The following ISM1 variants were observed in gnomAD, a reference collection of about 807,000 sequenced individuals.
ISM1 encodes the protein isthmin 1.
Under a neutral mutation model 46.3 loss-of-function variants are expected in ISM1, and 25 were observed. That is an observed-to-expected ratio of 0.54 (90% CI 0.39 to 0.75). The LOEUF (loss-of-function observed/expected upper bound fraction) is 0.75. ISM1 is among the 30% of genes least tolerant of loss of function. The probability of loss-of-function intolerance (pLI) is 0.00; values close to 1 mark genes in which losing one functional copy is unlikely to be tolerated. For missense variants in ISM1, 536 were observed against 625.4 expected, an observed-to-expected ratio of 0.86 and a Z score of 1.52; for synonymous variants, 255 against 256.7, an observed-to-expected ratio of 0.99 and a Z score of 0.06.
the ISM1 span, among the ~76,000 whole-genome samples, chr20:13,306,834 T>C: frequency 2.4e-4 from 37 of 152,102 alleles, no homozygotes; most frequent in Admixed American, 1.2e-3. Context: ...GGATGGGGAC[T>C]CTGGTCAAGA....
intron 4 of ISM1, among the ~76,000 whole-genome samples, chr20:13,290,352 A>C (rs1426541241): frequency 3.9e-5 from 6 of 152,226 alleles, no homozygotes; most frequent in Admixed American, 2.0e-4. Flanking sequence ...AAGATGAGGC[A>C]AAAGAAAATG....
the ISM1 span, among the ~76,000 whole-genome samples, chr20:13,310,868 T>C: frequency 6.6e-6 from 1 of 152,142 alleles, no homozygotes; most frequent in Non-Finnish European, 1.5e-5. Flanking sequence ...AATAGGATAT[T>C]ACTTCATACC....
At position 13,279,779 on chromosome 20, in the gene ISM1, A is replaced by C; in HGVS notation, c.524A>C (p.Asp175Ala). 6.2e-7 allele frequency: 1 copy of C among 1,613,984 alleles called. No individual in the cohort carries two copies. The highest frequency in any genetic ancestry group is 8.5e-7 in the Non-Finnish European group (1 of 1,179,882). Reference sequence around the variant, plus strand: ...TCCTTGGCCAGGGCAAACAGCGGGGACCAGGACTACAAGTACGACAGTACC... The same window carrying C: ...TCCTTGGCCAGGGCAAACAGCGGGGCCCAGGACTACAAGTACGACAGTACC... ...SLSLARANSG[D>A]QDYKYDSTSD... Residue 175 changes from aspartate to alanine, a missense_variant, in exon 3 of 6, where the codon GAC becomes GCC. Physicochemically the swap from Asp to Ala is moderately radical, Grantham distance 126 (BLOSUM62 -2). This residue lies in a region of ISM1 where 367 missense variants were observed against 376.1 expected (regional missense o/e 0.98). Coordinates refer to ENST00000262487, the MANE Select transcript of ISM1 (RefSeq NM_080826.2).
intron 1 of ISM1, among the ~76,000 whole-genome samples, chr20:13,251,868 C>A (rs1223798819): frequency 7.2e-5 from 11 of 152,116 alleles, no homozygotes. Context: ...ACTGAATACC[C>A]AGGACTCTGG....
the ISM1 span, among the ~76,000 whole-genome samples, chr20:13,322,047 T>C: frequency 1.7e-4 from 26 of 152,206 alleles, no homozygotes; most frequent in Non-Finnish European, 2.9e-4. Flanking sequence ...TGTGTATCGC[T>C]TAAAATAGTG....
chr20:13,277,403 C>T (rs11698514), intron 2 of ISM1, among the ~76,000 whole-genome samples: 8,621 of 123,504 alleles, frequency 0.07, 327 homozygotes, highest in Admixed American at 0.11. Context: ...ACGATTGTTG[C>T]AGCTCAGTTC....
At chr20:13,252,011 G>A (rs1258100651) in intron 1 of ISM1, among the ~76,000 whole-genome samples, 2 of 152,148 alleles carry the variant, frequency 1.3e-5, no homozygotes, top group South Asian at 2.1e-4. Flanking sequence ...TTTGCTGGAG[G>A]AAAGCAAAGC....
Position 13,299,042 on chromosome 20 carries a change from C to T in ISM1, c.978C>T (p.Tyr326=). ...MNDLPSCPCS[Y]PTEVAYSTAD... ...ACCTGCCCAGCTGCCCCTGCTCCTACCCCACTGAGGTGGCCTACAGCACGG... is the reference window on the plus strand; with the variant it reads ...ACCTGCCCAGCTGCCCCTGCTCCTATCCCACTGAGGTGGCCTACAGCACGG... The change falls in exon 6 of 6, where the codon TAC becomes TAT. Residue 326 remains tyrosine, a synonymous_variant. Coordinates refer to ENST00000262487, the MANE Select transcript of ISM1 (RefSeq NM_080826.2). This position sits in a 1 kb window ranked among gnomAD's most constrained non-coding sequence, Gnocchi z 5.8. 1 of 1,613,800 alleles carries T rather than the reference C, an allele frequency of 6.2e-7. No homozygotes were observed. Among genetic ancestry groups the T allele is most frequent in the Non-Finnish European group, 8.5e-7 (1 of 1,179,838 alleles).
At chr20:13,266,611 T>A (rs541140677) in intron 1 of ISM1, among the ~76,000 whole-genome samples, 9 of 152,328 alleles carry the variant, frequency 5.9e-5, no homozygotes, top group Non-Finnish European at 1.3e-4. Context: ...AAAGACACAT[T>A]GTGGGTAAAG....
intron 1 of ISM1, among the ~76,000 whole-genome samples, chr20:13,249,155 A>G (rs545756345): frequency 2.0e-5 from 3 of 152,344 alleles, no homozygotes; most frequent in Admixed American, 2.0e-4. Flanking sequence ...ATAAGGACAC[A>G]AAGATCTGGG....
intron 1 of ISM1, among the ~76,000 whole-genome samples, chr20:13,269,256 G>C (rs922206237): frequency 1.3e-5 from 2 of 152,146 alleles, no homozygotes; most frequent in Non-Finnish European, 2.9e-5. Context: ...ATCCCTGAAG[G>C]CTGGAGTAAA....
chr20:13,307,847 G>A, the ISM1 span, among the ~76,000 whole-genome samples: 9 of 152,182 alleles, frequency 5.9e-5, no homozygotes, highest in Non-Finnish European at 1.3e-4. Context: ...GGAACATTTG[G>A]ATTGTTTCTA....
intron 1 of ISM1, among the ~76,000 whole-genome samples, chr20:13,222,289 C>T (rs1006587877): frequency 5.3e-5 from 8 of 152,074 alleles, no homozygotes; most frequent in Admixed American, 3.3e-4. Flanking sequence ...TAATGTTACT[C>T]GAGGCTGGAG....
At chr20:13,260,294 G>A (rs1275508184) in intron 1 of ISM1, among the ~76,000 whole-genome samples, 1 of 152,190 alleles carries the variant, frequency 6.6e-6, no homozygotes, top group Non-Finnish European at 1.5e-5. Flanking sequence ...AGCACACAGA[G>A]CTGTACAGGT....
At chr20:13,225,105 G>GAA (rs1568659688) in intron 1 of ISM1, among the ~76,000 whole-genome samples, 3 of 150,680 alleles carry the variant, frequency 2.0e-5, no homozygotes, top group Admixed American at 6.6e-5. Context: ...CGCCCGCCTT[G>GAA]GCCTCCCAAA....
intron 1 of ISM1, among the ~76,000 whole-genome samples, chr20:13,231,603 A>G (rs2039589057): frequency 6.6e-6 from 1 of 152,232 alleles, no homozygotes; most frequent in Non-Finnish European, 1.5e-5. Context: ...TAAACCGAGT[A>G]GAAGTAAAAA....
In ISM1 at chr20:13,253,223, C is replaced by A. The variant is rs111937257; in HGVS notation, c.139-17281C>A. ...ACCTTCAGGGTTTTTGATCTTCTCA[C>A]CCTGCGTGTTGATCTCTTATGTCAC... On this transcript the variant is annotated intron_variant, in intron 1 of 5. Coordinates refer to ENST00000262487, the MANE Select transcript of ISM1 (RefSeq NM_080826.2). Among the ~76,000 whole-genome samples, 1,449 of 152,300 alleles carry A rather than the reference C, an allele frequency of 9.5e-3. 28 individuals are homozygous for A. Among genetic ancestry groups the A allele is most frequent in the African/African-American group, 0.033 (1,380 of 41,564 alleles).
chr20:13,231,139 A>G (rs1222726841), intron 1 of ISM1, among the ~76,000 whole-genome samples: 1 of 152,140 alleles, frequency 6.6e-6, no homozygotes, highest in Non-Finnish European at 1.5e-5. Flanking sequence ...ACCACACCCA[A>G]ATGGTAGTCA....
At chr20:13,229,373 C>A (rs540029007) in intron 1 of ISM1, among the ~76,000 whole-genome samples, 1 of 152,106 alleles carries the variant, frequency 6.6e-6, no homozygotes, top group Non-Finnish European at 1.5e-5. Context: ...CTTCCATTAC[C>A]GTAGATTAGT....
Sources: gnomAD v4.1 joint callset for allele counts (sites outside exome capture counted in the v4.1 genomes callset) on GRCh38, gnomAD v4.1.1 for gene constraint, gnomAD v4.1.1 regional missense constraint, Gnocchi (gnomAD v3.1) non-coding constraint, MANE v1.5 for transcripts, NCBI Gene and HGNC (gene_info 2026-07-23, HGNC 2026-07-21) for gene names.